The following MYH16 variants were observed in gnomAD, a reference collection of about 807,000 sequenced individuals.
MYH16 encodes the protein putative uncharacterized protein MYH16.
chr7:99,294,500 CAAAAAAAAA>C (rs1159682450), intron 33 of MYH16, among the ~76,000 whole-genome samples: 886 of 25,586 alleles, frequency 0.035, 17 homozygotes, highest in African/African-American at 0.09. Context: ...GACCCTGTCT[CAAAAAAAAA>C]AAAAAAAAAA....
downstream of MYH16, among the ~76,000 whole-genome samples, chr7:99,308,890 G>A (rs1454720842): frequency 2.0e-5 from 3 of 152,120 alleles, no homozygotes; most frequent in Non-Finnish European, 4.4e-5. Context: ...CCAGAAGTTC[G>A]AGACCAGCCT....
At chr7:99,273,485 G>C in intron 20 of MYH16, 62 bp downstream of exon 2, 1 of 454,202 alleles carries the variant, frequency 2.2e-6, no homozygotes, top group Non-Finnish European at 4.4e-6. Context: ...GGGAGGGCTT[G>C]ATCCTGGACA....
exon 12 of MYH16, chr7:99,260,297 G>A (rs1436456387): frequency 2.0e-6 from 3 of 1,528,170 alleles, no homozygotes; most frequent in Non-Finnish European, 2.7e-6. Context: ...ATCGACTTTG[G>A]CCTCGACCTT....
At chr7:99,253,767 C>T (rs1193028082) in exon 8 of MYH16, 10 of 198,838 alleles carry the variant, frequency 5.0e-5, no homozygotes, top group Non-Finnish European at 8.8e-5. Context: ...AGCAAGCAGC[C>T]GAGAGAAGCT....
intron 6 of MYH16, chr7:99,252,545 C>G (rs1791823014): frequency 1.3e-5 from 2 of 152,308 alleles, no homozygotes; most frequent in South Asian, 2.1e-4. Context: ...TCCCATGGTG[C>G]CTGGTCTCTA....
At chr7:99,277,931 GAGAGAGACAGACAGACAGAC>G (rs1311730527) in intron 21 of MYH16, among the ~76,000 whole-genome samples, 6 of 134,296 alleles carry the variant, frequency 4.5e-5, no homozygotes, top group African/African-American at 2.3e-4. Flanking sequence ...GAGAGAGAGA[GAGAGAGACAGACAGACAGAC>G]AGACAGACAG....
Position 99,284,874 on chromosome 7 carries a change from C to T in MYH16, n.3255C>T, listed in dbSNP as rs113139187. 107 of 456,686 alleles carry T rather than the reference C, an allele frequency of 2.3e-4. 4 individuals are homozygous for T. The highest frequency in any genetic ancestry group is 1.6e-3 in the African/African-American group (79 of 50,202). The allele number at this position is 456,686 out of a possible 1,614,324, so 28.3% of individuals were successfully genotyped here. The stretch of plus-strand genomic sequence containing the variant: ...GATTTGGAAATAAACTCTGTCAACT[C>T]GAAATATGAGGATGAGCAGTCTCTG... On this transcript the variant is annotated non_coding_transcript_exon_variant, in exon 26 of 42. Transcript: ENST00000439784.
intron 21 of MYH16, 101 bp from the exon 4 acceptor site, chr7:99,279,409 C>T (rs1321725256): frequency 2.7e-6 from 1 of 373,396 alleles, no homozygotes; most frequent in East Asian, 7.4e-5. Flanking sequence ...AGCCCCTTGT[C>T]CAACCCCCAG....
intron 14 of MYH16, chr7:99,264,198 T>A (rs1791965628): frequency 6.5e-6 from 1 of 152,690 alleles, no homozygotes. Flanking sequence ...TTAATGGGGC[T>A]GCCTTTCTCC....
At chr7:99,245,671 A>G (rs557842882) in intron 2 of MYH16, among the ~76,000 whole-genome samples, 1 of 151,968 alleles carries the variant, frequency 6.6e-6, no homozygotes, top group Admixed American at 6.6e-5. Flanking sequence ...GGGATTACAA[A>G]CTTGCGCTAC....
At chr7:99,277,951 C>G (rs868402035) in intron 21 of MYH16, among the ~76,000 whole-genome samples, 3,246 of 144,410 alleles carry the variant, frequency 0.022, 112 homozygotes, top group African/African-American at 0.08. Flanking sequence ...GACAGACAGA[C>G]AGACAGACAG....
chr7:99,282,062 G>A (rs1342648004), intron 23 of MYH16, among the ~76,000 whole-genome samples: 2 of 152,078 alleles, frequency 1.3e-5, no homozygotes, highest in South Asian at 4.1e-4. Flanking sequence ...TCACTCTGTC[G>A]CCCAGACTGG....
At chr7:99,279,139 C>G (rs1418915527) in intron 21 of MYH16, among the ~76,000 whole-genome samples, 2 of 151,950 alleles carry the variant, frequency 1.3e-5, no homozygotes, top group African/African-American at 4.8e-5. Flanking sequence ...TGCAGTGAGC[C>G]ATGATTGTGC....
At chr7:99,301,621 C>T (rs61743632) in exon 38 of MYH16, 1,779 of 153,226 alleles carry the variant, frequency 0.012, 29 homozygotes, top group African/African-American at 0.041. Flanking sequence ...TCCAGATGGA[C>T]GAGGATGCCA....
intron 1 of MYH16, among the ~76,000 whole-genome samples, chr7:99,241,006 G>A (rs1791661148): frequency 6.6e-6 from 1 of 152,182 alleles, no homozygotes; most frequent in Non-Finnish European, 1.5e-5. Context: ...TTTTCAGAGA[G>A]GAGAGTGCTG....
At chr7:99,277,912 T>TGAGA (rs1562780443) in intron 21 of MYH16, among the ~76,000 whole-genome samples, 200 bp downstream of exon 3, 2 of 131,662 alleles carry the variant, frequency 1.5e-5, no homozygotes, top group African/African-American at 6.9e-5. Context: ...TGTGTGTGTG[T>TGAGA]GTGTGAGAGA....
downstream of MYH16, among the ~76,000 whole-genome samples, chr7:99,309,339 A>G (rs910720914): frequency 1.3e-5 from 2 of 152,146 alleles, no homozygotes; most frequent in African/African-American, 4.8e-5. Flanking sequence ...ACGATTCGCT[A>G]TCTTTCAGTA....
exon 34 of MYH16, chr7:99,296,789 A>T (rs1326805774): frequency 2.2e-6 from 1 of 456,672 alleles, no homozygotes; most frequent in East Asian, 6.9e-5. Context: ...GAGGAGTTGC[A>T]GGTGGAAGTG....
intron 32 of MYH16, among the ~76,000 whole-genome samples, 167 bp downstream of exon 13, chr7:99,292,675 G>A (rs1264018446): frequency 6.6e-6 from 1 of 152,198 alleles, no homozygotes; most frequent in African/African-American, 2.4e-5. Context: ...AGCCTGCTCT[G>A]TGGGCCAGCT....
Sources: allele counts gnomAD v4.1 joint callset (sites outside exome capture counted in the v4.1 genomes callset), GRCh38; gene constraint gnomAD v4.1.1; transcripts MANE v1.5; gene names NCBI Gene and HGNC (gene_info 2026-07-23, HGNC 2026-07-21).